MYBPC1: variants seen among roughly 807,000 people sequenced by gnomAD.
The protein encoded by MYBPC1 is myosin binding protein C1, also known as myosin-binding protein C, slow-type.
Under a neutral mutation model 147.1 loss-of-function variants are expected in MYBPC1, and 52 were observed. That is an observed-to-expected ratio of 0.35 (90% CI 0.28 to 0.45). The LOEUF (loss-of-function observed/expected upper bound fraction) is 0.45. Ranked by LOEUF, MYBPC1 falls within the 20% of genes least tolerant of loss-of-function variation. The probability of loss-of-function intolerance (pLI) is 1.00; values close to 1 mark genes in which losing one functional copy is unlikely to be tolerated. For missense variants in MYBPC1, 1,228 were observed against 1,440.3 expected, an observed-to-expected ratio of 0.85 and a Z score of 2.39; for synonymous variants, 477 against 475.9, an observed-to-expected ratio of 1.00 and a Z score of -0.03.
At chr12:101,607,552 A>G (rs1274653367) in intron 1 of MYBPC1, among the ~76,000 whole-genome samples, 1 of 152,186 alleles carries the variant, frequency 6.6e-6, no homozygotes, top group Non-Finnish European at 1.5e-5. Context: ...TTCCCCTAGA[A>G]AGTGACAGAA....
chr12:101,675,265 C>G, intron 25 of MYBPC1, 27 bp from the exon 26 acceptor site: 1 of 1,613,564 alleles, frequency 6.2e-7, no homozygotes, highest in Non-Finnish European at 8.5e-7. Flanking sequence ...AGTGACCTTG[C>G]AGTGACACCA....
At chr12:101,631,795 T>C (rs1889953896) in intron 7 of MYBPC1, 76 bp downstream of exon 7, 1 of 1,601,358 alleles carries the variant, frequency 6.2e-7, no homozygotes, top group Admixed American at 1.7e-5. Context: ...ATTTTCAGGT[T>C]CAGCTTTGAG....
At chr12:101,646,605 C>A in intron 12 of MYBPC1, 158 bp from the exon 13 acceptor site, 1 of 798,078 alleles carries the variant, frequency 1.3e-6, no homozygotes. Flanking sequence ...CACCACTGCA[C>A]TCCTGCCTGT....
intron 21 of MYBPC1, among the ~76,000 whole-genome samples, chr12:101,663,019 T>G (rs532826014): frequency 2.6e-5 from 4 of 151,316 alleles, no homozygotes; most frequent in African/African-American, 9.7e-5. Flanking sequence ...GTTAGTTCAG[T>G]GAAGGCAAAA....
chr12:101,636,536 A>C, intron 9 of MYBPC1, 136 bp from the exon 10 acceptor site: 1 of 743,862 alleles, frequency 1.3e-6, no homozygotes, highest in Non-Finnish European at 2.4e-6. Flanking sequence ...CACTTGTGTG[A>C]AAAGAAATAG....
intron 18 of MYBPC1, among the ~76,000 whole-genome samples, chr12:101,656,960 C>A (rs1308998751): frequency 6.6e-6 from 1 of 152,022 alleles, no homozygotes; most frequent in Non-Finnish European, 1.5e-5. Context: ...CATAAAAACA[C>A]CTTAACAAAT....
At chr12:101,644,640 CT>C (rs766197689) in intron 11 of MYBPC1, 23 bp from the exon 12 acceptor site, 1 of 1,593,996 alleles carries the variant, frequency 6.3e-7, no homozygotes, top group Non-Finnish European at 8.6e-7. Context: ...TATTAACATA[CT>C]TTTGCTTCTT....
At chr12:101,602,247 C>T (rs1385770691) in intron 1 of MYBPC1, among the ~76,000 whole-genome samples, 1 of 152,100 alleles carries the variant, frequency 6.6e-6, no homozygotes, top group Non-Finnish European at 1.5e-5. Flanking sequence ...TGGAGTCTTG[C>T]TCTGTCGCCC....
At chr12:101,644,113 T>C (rs1437887726) in intron 11 of MYBPC1, among the ~76,000 whole-genome samples, 1 of 152,198 alleles carries the variant, frequency 6.6e-6, no homozygotes, top group African/African-American at 2.4e-5. Context: ...CTCAGCTCAC[T>C]GCAACCTCTG....
At chr12:101,626,986 G>A (rs1309641533) in intron 4 of MYBPC1, 76 bp downstream of exon 4, 3 of 1,379,798 alleles carry the variant, frequency 2.2e-6, no homozygotes, top group East Asian at 2.3e-5. Flanking sequence ...AAAAGGCAGT[G>A]AGCCTCCTTG....
intron 10 of MYBPC1, 57 bp from the exon 11 acceptor site, chr12:101,642,362 C>A: frequency 1.3e-6 from 2 of 1,569,814 alleles, no homozygotes; most frequent in Non-Finnish European, 1.8e-6. Context: ...CCTCGACCTT[C>A]GTGGTCTCTA....
At chr12:101,694,092 C>T in the MYBPC1 span, among the ~76,000 whole-genome samples, 1 of 152,182 alleles carries the variant, frequency 6.6e-6, no homozygotes, top group Non-Finnish European at 1.5e-5. Flanking sequence ...ACCATGCCTA[C>T]CCAGACATCA....
intron 6 of MYBPC1, among the ~76,000 whole-genome samples, chr12:101,629,828 G>A (rs148542070): frequency 7.2e-4 from 109 of 151,824 alleles, no homozygotes; most frequent in Non-Finnish European, 1.2e-3. Context: ...AACCGAGATC[G>A]CGCCACTGCA....
chr12:101,614,032 G>A (rs999839844), intron 1 of MYBPC1, among the ~76,000 whole-genome samples: 6 of 152,192 alleles, frequency 3.9e-5, no homozygotes, highest in African/African-American at 1.2e-4. Flanking sequence ...TAGACTCTAC[G>A]GGATATGCTC....
At chr12:101,668,019 ATGCTT>A in intron 23 of MYBPC1, 120 bp downstream of exon 23, 1 of 36,662 alleles carries the variant, frequency 2.7e-5, no homozygotes, top group Non-Finnish European at 7.4e-5. Context: ...TATTTTGTTA[ATGCTT>A]TAATGCTTCC....
chr12:101,605,299 A>G (rs1881714405), intron 1 of MYBPC1, among the ~76,000 whole-genome samples: 1 of 152,212 alleles, frequency 6.6e-6, no homozygotes, highest in Admixed American at 6.5e-5. Context: ...TGATTCATTC[A>G]TTTTATCAAA....
intron 30 of MYBPC1, 80 bp from the exon 31 acceptor site, chr12:101,684,302 C>A: frequency 9.2e-7 from 1 of 1,089,622 alleles, no homozygotes; most frequent in Non-Finnish European, 1.4e-6. Context: ...TAATTTCATC[C>A]AACAAGTACT....
At chr12:101,687,259 T>A (rs1299822153), downstream of MYBPC1, among the ~76,000 whole-genome samples, 1 of 152,036 alleles carries the variant, frequency 6.6e-6, no homozygotes, top group Non-Finnish European at 1.5e-5. Flanking sequence ...GTGTGTGATG[T>A]TCCCCTTCCT....
chr12:101,614,223 C>T (rs1037282460), intron 1 of MYBPC1, among the ~76,000 whole-genome samples: 2 of 152,142 alleles, frequency 1.3e-5, no homozygotes, highest in Non-Finnish European at 2.9e-5. Flanking sequence ...CTTTATCTTT[C>T]CATCACTACA....
Sources: gnomAD v4.1 joint callset for allele counts (sites outside exome capture counted in the v4.1 genomes callset) on GRCh38, gnomAD v4.1.1 for gene constraint, MANE v1.5 for transcripts, NCBI Gene and HGNC (gene_info 2026-07-23, HGNC 2026-07-21) for gene names.